The following OXR1 variants were observed in gnomAD, a reference collection of about 807,000 sequenced individuals.
The protein encoded by OXR1 is oxidation resistance 1, also known as oxidation resistance protein 1.
OXR1 carries 41 observed loss-of-function variants against 104.6 expected under a neutral mutation model. The observed-to-expected ratio is 0.39, with a 90% confidence interval of 0.31 to 0.51. The LOEUF (loss-of-function observed/expected upper bound fraction) is 0.51, where lower values mean the gene tolerates loss of function less well. Ranked by LOEUF, OXR1 falls within the 20% of genes least tolerant of loss-of-function variation. OXR1 has a pLI of 0.77. For synonymous variants in OXR1, 348 were observed against 348.4 expected (o/e 1.00, Z 0.01); for missense variants, 955 against 1,031.9 (o/e 0.93, Z 1.02).
intron 2 of OXR1, among the ~76,000 whole-genome samples, chr8:106,459,029 G>C (rs1408433024): frequency 6.6e-6 from 1 of 152,104 alleles, no homozygotes; most frequent in Admixed American, 6.6e-5. Flanking sequence ...ATGCTGGAAT[G>C]AGTTAAGACT....
chr8:106,677,559 A>T (rs990549327), intron 3 of OXR1, among the ~76,000 whole-genome samples: 2 of 152,124 alleles, frequency 1.3e-5, no homozygotes, highest in Admixed American at 6.5e-5. Context: ...ATATTTCAGT[A>T]TAGTTTAAAT....
At chr8:106,277,737 G>T (rs1032389221) in intron 1 of OXR1, among the ~76,000 whole-genome samples, 1 of 152,206 alleles carries the variant, frequency 6.6e-6, no homozygotes, top group Non-Finnish European at 1.5e-5. Context: ...TAAGATGGCT[G>T]CCAGAAGCTT....
In OXR1 at chr8:106,599,127, A is replaced by C. The variant is rs1249980471; in HGVS notation, c.220+79988A>C. Among the ~76,000 whole-genome samples, 4 of 152,328 alleles carry C rather than the reference A, an allele frequency of 2.6e-5. No individual in the cohort carries two copies. The South Asian group carries it at 8.3e-4, about 32-fold the overall frequency. On this transcript the variant is annotated intron_variant, in intron 3 of 16. Coordinates refer to ENST00000517566, the MANE Select transcript of OXR1 (RefSeq NM_001198533.2). ...ATTTAAGGAGCCTAGCTGAAAGGCA[A>C]ATGTGAGGATGACATTGCCTCCTTC... is the stretch of plus-strand genomic sequence containing the variant.
At chr8:106,568,863 T>C (rs1193381463) in intron 3 of OXR1, among the ~76,000 whole-genome samples, 3 of 152,140 alleles carry the variant, frequency 2.0e-5, no homozygotes, top group Non-Finnish European at 4.4e-5. Flanking sequence ...AGCTACTTTA[T>C]ATAACTTCCT....
intron 2 of OXR1, among the ~76,000 whole-genome samples, chr8:106,431,178 A>G (rs1819344482): frequency 6.6e-6 from 1 of 152,188 alleles, no homozygotes; most frequent in Non-Finnish European, 1.5e-5. Context: ...CTTCTGAGCC[A>G]TCCCAGATGA....
chr8:106,607,418 C>A (rs1046570843), intron 3 of OXR1, among the ~76,000 whole-genome samples: 3 of 152,198 alleles, frequency 2.0e-5, no homozygotes, highest in African/African-American at 7.2e-5. Context: ...GAGTCAATAG[C>A]CCTCTTGTAC....
At chr8:106,515,283 A>G (rs1304510165) in intron 2 of OXR1, among the ~76,000 whole-genome samples, 1 of 152,138 alleles carries the variant, frequency 6.6e-6, no homozygotes, top group African/African-American at 2.4e-5. Context: ...TAATTAACAT[A>G]TGCATTACCT....
intron 1 of OXR1, among the ~76,000 whole-genome samples, chr8:106,356,948 C>T (rs1036883769): frequency 6.6e-6 from 1 of 151,946 alleles, no homozygotes; most frequent in Non-Finnish European, 1.5e-5. Context: ...ATAAAGGCAA[C>T]ATTTGTGTGT....
chr8:106,424,735 G>A (rs1053019618), intron 2 of OXR1, among the ~76,000 whole-genome samples: 2 of 151,980 alleles, frequency 1.3e-5, no homozygotes, highest in African/African-American at 4.8e-5. Context: ...ATCTCCACTA[G>A]CAAATTTATG....
chr8:106,307,878 C>G (rs1813528048), intron 1 of OXR1, among the ~76,000 whole-genome samples: 1 of 152,020 alleles, frequency 6.6e-6, no homozygotes, highest in South Asian at 2.1e-4. Context: ...ACAGTAAAAG[C>G]AGTGATTATC....
intron 11 of OXR1, among the ~76,000 whole-genome samples, chr8:106,736,174 C>CA (rs1834355782): frequency 6.7e-6 from 1 of 148,698 alleles, no homozygotes; most frequent in South Asian, 2.2e-4. Flanking sequence ...CACCCCCCCC[C>CA]ATCCGCCCCC....
intron 3 of OXR1, among the ~76,000 whole-genome samples, chr8:106,520,013 A>G (rs915092949): frequency 1.3e-5 from 2 of 152,098 alleles, no homozygotes; most frequent in African/African-American, 4.8e-5. Flanking sequence ...AATCCACCCA[A>G]AAAGAGTGTG....
chr8:106,330,611 TGGG>T (rs1402366717), intron 1 of OXR1, among the ~76,000 whole-genome samples: 9 of 152,174 alleles, frequency 5.9e-5, no homozygotes, highest in Non-Finnish European at 4.4e-5. Flanking sequence ...GAGTTTTGGA[TGGG>T]GTTTATTACT....
intron 2 of OXR1, among the ~76,000 whole-genome samples, chr8:106,511,763 A>G (rs1812547326): frequency 6.6e-6 from 1 of 152,248 alleles, no homozygotes; most frequent in Middle Eastern, 3.2e-3. Context: ...TAGATAGTCC[A>G]GGTCCTTGCC....
intron 2 of OXR1, among the ~76,000 whole-genome samples, chr8:106,503,837 G>T (rs902298262): frequency 1.1e-4 from 16 of 152,266 alleles, no homozygotes; most frequent in Non-Finnish European, 2.1e-4. Context: ...TTCTACCTGG[G>T]GGAGGGAGGT....
At chr8:106,566,600 C>T (rs1817092659) in intron 3 of OXR1, among the ~76,000 whole-genome samples, 1 of 152,122 alleles carries the variant, frequency 6.6e-6, no homozygotes, top group Non-Finnish European at 1.5e-5. Context: ...TACCATTTGA[C>T]CCAGCAATCC....
chr8:106,476,133 A>G (rs561063199), intron 2 of OXR1, among the ~76,000 whole-genome samples: 1 of 151,840 alleles, frequency 6.6e-6, no homozygotes, highest in South Asian at 2.1e-4. Context: ...AACTCTTTCC[A>G]TAGAGTACTG....
chr8:106,501,852 C>A (rs1222066604), intron 2 of OXR1, among the ~76,000 whole-genome samples: 1 of 152,270 alleles, frequency 6.6e-6, no homozygotes, highest in Middle Eastern at 3.4e-3. Flanking sequence ...GAATATTATT[C>A]TTAAGCTTCA....
chr8:106,436,679 C>T (rs1395976016), intron 2 of OXR1, among the ~76,000 whole-genome samples: 2 of 152,122 alleles, frequency 1.3e-5, no homozygotes, highest in East Asian at 3.9e-4. Context: ...TCCCTCTCTT[C>T]ATCTCTTTAC....
Sources: allele counts gnomAD v4.1 joint callset (sites outside exome capture counted in the v4.1 genomes callset), GRCh38; gene constraint gnomAD v4.1.1; transcripts MANE v1.5; gene names NCBI Gene and HGNC (gene_info 2026-07-23, HGNC 2026-07-21).